The following NTN1 variants were observed in gnomAD, a reference collection of about 807,000 sequenced individuals.
NTN1 encodes the protein netrin 1, also known as netrin-1.
NTN1 carries 11 observed loss-of-function variants against 54.2 expected under a neutral mutation model. The observed-to-expected ratio is 0.20, with a 90% CI of 0.13 to 0.34. The LOEUF (loss-of-function observed/expected upper bound fraction) is 0.34. NTN1 is among the 10% of genes least tolerant of loss of function. The pLI, the probability that NTN1 is intolerant of heterozygous loss-of-function variation, is 1.00. For synonymous variants in NTN1, 371 were observed against 382.0 expected (o/e 0.97, Z 0.33); for missense variants, 740 against 893.1 (o/e 0.83, Z 2.18).
At chr17:9,209,501 C>T (rs1157437226) in intron 5 of NTN1, among the ~76,000 whole-genome samples, 1 of 152,230 alleles carries the variant, frequency 6.6e-6, no homozygotes, top group African/African-American at 2.4e-5. Context: ...GAAGGCAGGC[C>T]TTGGCCCTGG....
intron 2 of NTN1, among the ~76,000 whole-genome samples, chr17:9,059,516 C>T (rs1180037933): frequency 1.3e-5 from 2 of 152,136 alleles, no homozygotes; most frequent in East Asian, 3.9e-4. Context: ...CTTATATATG[C>T]TACAGTGTGA....
At chr17:9,043,455 C>G (rs755879001) in intron 2 of NTN1, among the ~76,000 whole-genome samples, 1 of 152,176 alleles carries the variant, frequency 6.6e-6, no homozygotes, top group Non-Finnish European at 1.5e-5. Flanking sequence ...CTGCAAAACC[C>G]AGGGCCGGAA....
intron 2 of NTN1, among the ~76,000 whole-genome samples, chr17:9,126,739 C>T (rs1426444505): frequency 3.3e-5 from 5 of 152,010 alleles, no homozygotes; most frequent in South Asian, 2.1e-4. Context: ...TGGGAATCAG[C>T]GGAGTCAAGC....
In NTN1 at chr17:9,096,182, A is replaced by G. The variant is rs536132155; in HGVS notation, c.1019-66631A>G. 1.6e-4 allele frequency among the ~76,000 whole-genome samples: 24 copies of G among 152,088 alleles called. No homozygotes were observed. The East Asian group carries it at 4.4e-3, about 28-fold the overall frequency. On this transcript the variant is annotated intron_variant, in intron 2 of 6. Coordinates refer to ENST00000173229, the MANE Select transcript of NTN1 (RefSeq NM_004822.3). Reference sequence around the variant, plus strand: ...ATGGTTTCCTCATCTATGTCCCTGAATGTTTCTTAAGTTTATATGTGGGCA... The same window carrying G: ...ATGGTTTCCTCATCTATGTCCCTGAGTGTTTCTTAAGTTTATATGTGGGCA...
rs574409419 is a variant in NTN1 at position 9,206,724 on chromosome 17, T to C, written c.1412-14444T>C. ...TGCCCTCAGAATCCAATGCCCCATATTTTTAAATCTGCAAATATATTTTCA... is the reference window on the plus strand; with the variant it reads ...TGCCCTCAGAATCCAATGCCCCATACTTTTAAATCTGCAAATATATTTTCA... On this transcript the variant is annotated intron_variant, in intron 5 of 6. Coordinates refer to ENST00000173229, the MANE Select transcript of NTN1 (RefSeq NM_004822.3). Among the ~76,000 whole-genome samples the C allele has an allele frequency of 2.0e-5, 3 of 152,338 alleles. No homozygotes were observed. The South Asian group carries it at 6.2e-4, about 32-fold the overall frequency.
At chr17:9,168,182 T>A (rs2092377976) in intron 3 of NTN1, among the ~76,000 whole-genome samples, 1 of 152,232 alleles carries the variant, frequency 6.6e-6, no homozygotes, top group Admixed American at 6.5e-5. Context: ...TGAATTTAAA[T>A]GTTTTTTATG....
chr17:9,126,364 G>T (rs2092247072), intron 2 of NTN1, among the ~76,000 whole-genome samples: 1 of 152,222 alleles, frequency 6.6e-6, no homozygotes, highest in African/African-American at 2.4e-5. Flanking sequence ...CAAAAAATTA[G>T]CCGGGCGTGG....
At chr17:9,183,132 C>A (rs1413062700) in intron 5 of NTN1, 163 bp downstream of exon 5, 8 of 720,610 alleles carry the variant, frequency 1.1e-5, no homozygotes, top group Non-Finnish European at 1.8e-5. Flanking sequence ...GAAGCTGGAG[C>A]TATAGGACAC....
intron 2 of NTN1, among the ~76,000 whole-genome samples, chr17:9,111,057 C>T (rs1398381869): frequency 4.0e-5 from 6 of 151,608 alleles, no homozygotes; most frequent in Admixed American, 3.9e-4. Flanking sequence ...GCTTCAGCCT[C>T]CCGAGTAGCT....
chr17:9,111,083 A>G (rs538338707), intron 2 of NTN1, among the ~76,000 whole-genome samples: 6 of 151,928 alleles, frequency 3.9e-5, no homozygotes, highest in African/African-American at 1.2e-4. Flanking sequence ...GATTACCGGC[A>G]CACGCCACCA....
At chr17:9,133,136 A>G (rs2142272232) in intron 2 of NTN1, among the ~76,000 whole-genome samples, 2 of 152,096 alleles carry the variant, frequency 1.3e-5, no homozygotes, top group East Asian at 3.9e-4. Context: ...CTGGGCAACT[A>G]TCTAGTCCTT....
At chr17:9,118,163 G>A (rs1403070882) in intron 2 of NTN1, among the ~76,000 whole-genome samples, 1 of 152,184 alleles carries the variant, frequency 6.6e-6, no homozygotes. Flanking sequence ...AGGATTAAGT[G>A]TGTGTGTTTT....
rs538158857 is a variant in NTN1, at chr17:9,118,690, G to A, written c.1019-44123G>A. Among the ~76,000 whole-genome samples the A allele has an allele frequency of 1.5e-4, 22 of 151,470 alleles. No homozygotes were observed. The South Asian group carries it at 3.8e-3, about 26-fold the overall frequency. On this transcript the variant is annotated intron_variant, in intron 2 of 6. Coordinates refer to ENST00000173229, the MANE Select transcript of NTN1 (RefSeq NM_004822.3). Reference sequence around the variant, plus strand: ...GCTGAACAACCACCGCTCTACTTTCGGTCTGCCTGGATTTGCCTATTTTAG... The same window carrying A: ...GCTGAACAACCACCGCTCTACTTTCAGTCTGCCTGGATTTGCCTATTTTAG...
At chr17:9,032,957 C>CTTTT (rs34215544) in intron 2 of NTN1, among the ~76,000 whole-genome samples, 18 of 138,010 alleles carry the variant, frequency 1.3e-4, no homozygotes, top group African/African-American at 3.8e-4. Context: ...GAAATCAATC[C>CTTTT]TTTTTTTTTT....
At chr17:9,140,679 T>A (rs185704140) in intron 2 of NTN1, among the ~76,000 whole-genome samples, 14 of 152,216 alleles carry the variant, frequency 9.2e-5, no homozygotes, top group Admixed American at 8.5e-4. Context: ...GCACTCTCAA[T>A]GTAAGGGCCA....
rs149153369 is a variant in NTN1 at position 9,236,294 on chromosome 17, C to T, written c.1487-3346C>T. Reference sequence around the variant, plus strand: ...GAGGGGCGCCAGGTTCCATGTAGCCCAGAGATCCCCATCATTCCTTGCTTC... The same window carrying T: ...GAGGGGCGCCAGGTTCCATGTAGCCTAGAGATCCCCATCATTCCTTGCTTC... On this transcript the variant is annotated intron_variant, in intron 6 of 6. Coordinates refer to ENST00000173229, the MANE Select transcript of NTN1 (RefSeq NM_004822.3). Among the ~76,000 whole-genome samples the T allele has an allele frequency of 2.2e-3, 338 of 152,290 alleles. 6 individuals carry two copies. The highest frequency in any genetic ancestry group is 7.3e-3 in the African/African-American group (303 of 41,564).
chr17:9,049,495 C>T (rs1015539931), intron 2 of NTN1, among the ~76,000 whole-genome samples: 5 of 152,182 alleles, frequency 3.3e-5, no homozygotes, highest in Non-Finnish European at 7.3e-5. Flanking sequence ...CATGTGCCAC[C>T]TGATATGTGA....
In NTN1 at chr17:9,212,650, G is replaced by A. The variant is rs1905136049; in HGVS notation, c.1412-8518G>A. Among the ~76,000 whole-genome samples, 2 of 152,182 alleles carry A rather than the reference G, an allele frequency of 1.3e-5. No homozygotes were observed. The highest frequency in any genetic ancestry group is 4.8e-5 in the African/African-American group (2 of 41,446). ...ACCAGGGGCTCCTCCCCTACGCCCA[G>A]CCCTTGGCGTCTGCAACTTACCCAA... On this transcript the variant is annotated intron_variant, in intron 5 of 6. Transcript: ENST00000173229. The surrounding 1 kb of genome is among the most constrained non-coding windows in gnomAD (Gnocchi z 5.5).
upstream of NTN1, among the ~76,000 whole-genome samples, chr17:9,017,067 A>G (rs116096581): frequency 0.013 from 2,012 of 152,212 alleles, 55 homozygotes; most frequent in African/African-American, 0.046. Context: ...CCTGACCACC[A>G]GTTTTACAAG....
Sources: gnomAD v4.1 joint callset for allele counts (sites outside exome capture counted in the v4.1 genomes callset) on GRCh38, gnomAD v4.1.1 for gene constraint, Gnocchi (gnomAD v3.1) non-coding constraint, MANE v1.5 for transcripts, NCBI Gene and HGNC (gene_info 2026-07-23, HGNC 2026-07-21) for gene names.